SNAP29: variants seen among roughly 807,000 people sequenced by gnomAD.
SNAP29 encodes the protein synaptosome associated protein 29, also known as synaptosomal-associated protein 29.
Under a neutral mutation model 27.9 loss-of-function variants are expected in SNAP29, and 13 were observed. The ratio of observed to expected loss-of-function variants is 0.47; its 90% CI spans 0.30 to 0.74. SNAP29 has a LOEUF of 0.74. SNAP29 is among the 30% of genes least tolerant of loss of function. The pLI, the probability that SNAP29 is intolerant of heterozygous loss-of-function variation, is 0.06. For synonymous variants in SNAP29, 119 were observed against 127.1 expected, an observed-to-expected ratio of 0.94 and a Z score of 0.43; for missense variants, 368 against 336.5, an observed-to-expected ratio of 1.09 and a Z score of -0.73.
rs1268621870 is a variant in SNAP29, at chr22:20,859,038, G to A, written c.-73G>A. ...GCGACGACCGCGGGGTCGGCGGGCG[G>A]GGCGAGGCCCTGGACGGCGGCGGCA... On this transcript the variant is annotated 5_prime_UTR_variant, in exon 1 of 5. Coordinates refer to ENST00000215730, the MANE Select transcript of SNAP29 (RefSeq NM_004782.4). The A allele has an allele frequency of 2.1e-6, 3 of 1,426,500 alleles. No individual in the cohort carries two copies. The highest frequency in any genetic ancestry group is 1.9e-6 in the Non-Finnish European group (2 of 1,033,688). The allele number at this position is 1,426,500 out of a possible 1,614,324, so 88.4% of individuals were successfully genotyped here.
In SNAP29 at chr22:20,870,887, G is replaced by A. The variant is rs574003478; in HGVS notation, c.434+354G>A. On this transcript the variant is annotated intron_variant, in intron 2 of 4. Coordinates refer to ENST00000215730, the MANE Select transcript of SNAP29 (RefSeq NM_004782.4). ...TGCAGTGGCTCACACCTGTAATCCC[G>A]ACACTTCAGGATGCCAAGGTGGGTA... 298 of 347,760 alleles carry A rather than the reference G, an allele frequency of 8.6e-4. 2 individuals are homozygous for A. The highest frequency in any genetic ancestry group is 5.8e-3 in the African/African-American group (271 of 46,942). The allele number at this position is 347,760 out of a possible 1,614,324, so 21.5% of individuals were successfully genotyped here. A position where few individuals can be genotyped will look rare whatever the true frequency, so the allele number is the denominator to read the frequency against.
intron 1 of SNAP29, among the ~76,000 whole-genome samples, chr22:20,863,314 G>GCCT (rs362224): frequency 0.49 from 73,804 of 151,892 alleles, 18,405 homozygotes; most frequent in African/African-American, 0.58. Flanking sequence ...CAACTTAGGT[G>GCCT]CCTGGTTACC....
chr22:20,867,378 T>A (rs1928485568), intron 1 of SNAP29, among the ~76,000 whole-genome samples: 1 of 151,994 alleles, frequency 6.6e-6, no homozygotes, highest in African/African-American at 2.4e-5. Context: ...GGTTGAGGCC[T>A]GTCTTGGTGG....
chr22:20,889,172 A>G lies in SNAP29; in HGVS notation c.*1336A>G, dbSNP rs1191595307. 1 of 152,220 alleles carries G rather than the reference A, an allele frequency of 6.6e-6. No individual in the cohort carries two copies. Among genetic ancestry groups the G allele is most frequent in the African/African-American group, 2.4e-5 (1 of 41,464 alleles). The allele number at this position is 152,220 out of a possible 1,614,324, so 9.4% of individuals were successfully genotyped here. A position where few individuals can be genotyped will look rare whatever the true frequency, so the allele number is the denominator to read the frequency against. ...ATAACAGTGCCTTTGACCTTAAAAC[A>G]TGGCACTGGCCCATGTGACCTTTGC... On this transcript the variant is annotated 3_prime_UTR_variant, in exon 5 of 5. Transcript: ENST00000215730.
At chr22:20,877,844 T>A (rs1014860345) in intron 2 of SNAP29, among the ~76,000 whole-genome samples, 2 of 152,210 alleles carry the variant, frequency 1.3e-5, no homozygotes, top group Non-Finnish European at 2.9e-5. Context: ...AAAGCCAGCG[T>A]TGAGATGTGC....
intron 4 of SNAP29, among the ~76,000 whole-genome samples, chr22:20,887,459 A>G (rs1422441552): frequency 6.6e-6 from 1 of 151,664 alleles, no homozygotes; most frequent in Non-Finnish European, 1.5e-5. Flanking sequence ...GCACAAACAC[A>G]CACACACATA....
Position 20,859,223 on chromosome 22 carries a change from C to T in SNAP29, c.113C>T (p.Pro38Leu), listed in dbSNP as rs200628919. The change falls in exon 1 of 5, where the codon CCC (proline) becomes CTC (leucine). Residue 38 changes from proline to leucine, a missense_variant. Pro to Leu is a moderately conservative substitution (Grantham distance 98). Coordinates refer to ENST00000215730, the MANE Select transcript of SNAP29 (RefSeq NM_004782.4). ...GACCTCCCCGACGGGCCCGACGCGC[C>T]CGCGGACAGGCAGCAGTACTTGCGG... Reference protein sequence around the residue: ...ARDLPDGPDAPADRQQYLRQE... With the variant: ...ARDLPDGPDALADRQQYLRQE... The T allele has an allele frequency of 3.0e-4, 475 of 1,605,200 alleles. 2 individuals are homozygous for T. The African/African-American group carries it at 5.2e-3, about 17-fold the overall frequency.
In SNAP29 at chr22:20,884,077, A is replaced by G. The variant is rs1241045192; in HGVS notation, c.619+508A>G. ...GCCGGGCGCAGTGGCTCACGCCTGC[A>G]ATCCCAGCACTTTGGGAGGCCAAGG... On this transcript the variant is annotated intron_variant, in intron 4 of 4. Coordinates refer to ENST00000215730, the MANE Select transcript of SNAP29 (RefSeq NM_004782.4). Among the ~76,000 whole-genome samples, 3 of 152,222 alleles carry G rather than the reference A, an allele frequency of 2.0e-5. No homozygotes were observed. In the South Asian group the frequency reaches 6.2e-4, roughly 32 times the overall value.
chr22:20,865,376 C>T (rs184164569), intron 1 of SNAP29, among the ~76,000 whole-genome samples: 7 of 152,074 alleles, frequency 4.6e-5, no homozygotes, highest in Admixed American at 2.0e-4. Flanking sequence ...AGAATTAGAC[C>T]ATTGATCCCA....
intron 4 of SNAP29, 144 bp from the exon 5 acceptor site, chr22:20,887,535 A>T: frequency 1.2e-6 from 1 of 844,906 alleles, no homozygotes; most frequent in Non-Finnish European, 2.0e-6. Flanking sequence ...AGAATCAATT[A>T]AGTCAAGACT....
At chr22:20,877,023 C>T (rs1928764154) in intron 2 of SNAP29, among the ~76,000 whole-genome samples, 1 of 152,154 alleles carries the variant, frequency 6.6e-6, no homozygotes. Flanking sequence ...GTCACATATG[C>T]ACCCTTAATT....
intron 1 of SNAP29, among the ~76,000 whole-genome samples, chr22:20,867,401 A>G (rs1430104331): frequency 6.6e-6 from 1 of 151,672 alleles, no homozygotes; most frequent in Non-Finnish European, 1.5e-5. Context: ...GCTGGGGCAC[A>G]GGTGTCTGCC....
At chr22:20,860,323 C>A (rs1327261212) in intron 1 of SNAP29, among the ~76,000 whole-genome samples, 1 of 151,304 alleles carries the variant, frequency 6.6e-6, no homozygotes, top group Non-Finnish European at 1.5e-5. Flanking sequence ...TGCTGCTGCA[C>A]TCCAGCATGG....
At chr22:20,869,595 G>A (rs1417650958) in intron 1 of SNAP29, among the ~76,000 whole-genome samples, 1 of 152,202 alleles carries the variant, frequency 6.6e-6, no homozygotes, top group East Asian at 1.9e-4. Flanking sequence ...GGAGGCTCAG[G>A]TGGCCCAGTG....
chr22:20,885,375 T>C (rs907484865), intron 4 of SNAP29, among the ~76,000 whole-genome samples: 2 of 151,902 alleles, frequency 1.3e-5, no homozygotes, highest in Non-Finnish European at 2.9e-5. Context: ...TGTGCACGGG[T>C]TTTCTCCTGC....
intron 2 of SNAP29, among the ~76,000 whole-genome samples, chr22:20,878,487 A>C (rs1040818670): frequency 2.6e-5 from 4 of 152,100 alleles, no homozygotes; most frequent in African/African-American, 4.8e-5. Flanking sequence ...CTGAGGCAGG[A>C]GAATGGCGTG....
chr22:20,878,451 G>A (rs1262929457), intron 2 of SNAP29, among the ~76,000 whole-genome samples: 4 of 152,090 alleles, frequency 2.6e-5, no homozygotes, highest in African/African-American at 4.8e-5. Context: ...GGTGGCGGGC[G>A]CCTGTAGTCC....
intron 2 of SNAP29, among the ~76,000 whole-genome samples, chr22:20,872,075 T>C (rs144657123): frequency 4.6e-5 from 7 of 152,142 alleles, no homozygotes; most frequent in African/African-American, 1.7e-4. Context: ...AACAGAAAAT[T>C]TCATTTTCCC....
chr22:20,863,670 T>C (rs1478213793), intron 1 of SNAP29, among the ~76,000 whole-genome samples: 1 of 152,124 alleles, frequency 6.6e-6, no homozygotes, highest in Non-Finnish European at 1.5e-5. Context: ...ATTTCTTCTT[T>C]TTTTTTTCCT....
Sources: gnomAD v4.1 joint callset for allele counts (sites outside exome capture counted in the v4.1 genomes callset) on GRCh38, gnomAD v4.1.1 for gene constraint, MANE v1.5 for transcripts, NCBI Gene and HGNC (gene_info 2026-07-23, HGNC 2026-07-21) for gene names.